The following GLB1 variants were observed in gnomAD, a reference collection of about 807,000 sequenced individuals.
GLB1 encodes beta-galactosidase.
GLB1 carries 56 observed loss-of-function variants against 74.0 expected under a neutral mutation model. The ratio of observed to expected loss-of-function variants is 0.76; its 90% CI spans 0.61 to 0.94. The LOEUF is 0.94. Among genes scored for constraint, GLB1 ranks in the 40% least tolerant of loss-of-function variants. The pLI is 0.00. For missense variants in GLB1, 787 were observed against 845.5 expected, an observed-to-expected ratio of 0.93 and a Z score of 0.86; for synonymous variants, 323 against 323.6, an observed-to-expected ratio of 1.00 and a Z score of 0.02.
chr3:33,017,005 G>A (rs36061528), intron 13 of GLB1, among the ~76,000 whole-genome samples, 165 bp from the exon 14 acceptor site: 1,543 of 152,292 alleles, frequency 0.01, 21 homozygotes, highest in Non-Finnish European at 0.016. Flanking sequence ...CGGCCAGGTC[G>A]GAAAGATCCC....
chr3:33,014,400 A>T, intron 14 of GLB1, 90 bp from the exon 15 acceptor site: 2 of 1,556,698 alleles, frequency 1.3e-6, no homozygotes, highest in Non-Finnish European at 1.7e-6. Context: ...GGAAAAGCAA[A>T]CCGGGATACA....
At chr3:33,071,019 T>A (rs1300892143) in intron 2 of GLB1, among the ~76,000 whole-genome samples, 1 of 152,168 alleles carries the variant, frequency 6.6e-6, no homozygotes, top group South Asian at 2.1e-4. Flanking sequence ...AAAGATTTTG[T>A]CAGGAATCAT....
intron 6 of GLB1, among the ~76,000 whole-genome samples, chr3:33,054,185 C>A (rs1699122022): frequency 6.6e-6 from 1 of 152,128 alleles, no homozygotes; most frequent in Non-Finnish European, 1.5e-5. Context: ...TGGACTTCAC[C>A]ACCTCTAGAA....
rs1468500027 is a variant in GLB1, at chr3:32,996,824, A to G, written c.*221T>C. On this transcript the variant is annotated 3_prime_UTR_variant, in exon 16 of 16. Coordinates refer to ENST00000307363, the MANE Select transcript of GLB1 (RefSeq NM_000404.4). ...TAAAGCTTCCATTCCAGCCCTGCAG[A>G]TATGTATGCACGTTACTGTGCTGTC... The G allele has an allele frequency of 3.0e-6, 2 of 676,678 alleles. No individual in the cohort carries two copies. Among genetic ancestry groups the G allele is most frequent in the Non-Finnish European group, 4.9e-6 (2 of 411,478 alleles). 41.9% of individuals were successfully genotyped at this position (676,678 alleles called of 1,614,324 possible).
At chr3:32,986,458 T>C in the GLB1 span, among the ~76,000 whole-genome samples, 2 of 152,236 alleles carry the variant, frequency 1.3e-5, no homozygotes, top group East Asian at 1.9e-4. Flanking sequence ...TACACAATCA[T>C]ACAAGACCCT....
intron 1 of GLB1, chr3:33,094,357 C>A: frequency 1.4e-6 from 2 of 1,386,318 alleles, no homozygotes; most frequent in East Asian, 2.6e-5. Flanking sequence ...TCCTTGTACC[C>A]ATTCAAAACT....
chr3:33,093,632 CG>C lies in GLB1; in HGVS notation c.75+3378del. The stretch of plus-strand genomic sequence containing the variant: ...TGGGCACCTCCACAGTTTTCACAGC[CG>C]GGGGCTGCGCGGCATTCAGAATCCC... On this transcript the variant is annotated intron_variant, in intron 1 of 15. Coordinates refer to ENST00000307363, the MANE Select transcript of GLB1 (RefSeq NM_000404.4). The surrounding 1 kb of genome is among the most constrained non-coding windows in gnomAD (Gnocchi z 6.0). 1 of 1,614,124 alleles carries C rather than the reference CG, an allele frequency of 6.2e-7. No homozygotes were observed.
At chr3:33,082,539 G>A (rs1334129832) in intron 1 of GLB1, among the ~76,000 whole-genome samples, 5 of 152,178 alleles carry the variant, frequency 3.3e-5, no homozygotes, top group African/African-American at 4.8e-5. Context: ...ACAGATCACA[G>A]TACATGATGG....
Position 33,062,805 on chromosome 3 carries a change from A to G in GLB1, c.552+2658T>C, listed in dbSNP as rs577404071. Among the ~76,000 whole-genome samples the G allele has an allele frequency of 5.9e-5, 9 of 152,288 alleles. No individual in the cohort carries two copies. In the East Asian group the frequency reaches 1.7e-3, roughly 29 times the overall value. On this transcript the variant is annotated intron_variant, in intron 5 of 15. Transcript: ENST00000307363. ...TGTCTCAAAAAACAAAAACAATAAC[A>G]ACAACGAAAAGAATTACTGTCTACA...
In GLB1 at chr3:33,092,691, C is replaced by T. The variant is rs72856190; in HGVS notation, c.75+4320G>A. Reference sequence around the variant, plus strand: ...TGCCAGGCAGGCCCACCATAAGTCACTGTTTGAGTCAGGCTTGTGACCAAG... The same window carrying T: ...TGCCAGGCAGGCCCACCATAAGTCATTGTTTGAGTCAGGCTTGTGACCAAG... On this transcript the variant is annotated intron_variant, in intron 1 of 15. Transcript: ENST00000307363. The T allele has an allele frequency of 8.3e-3, 11,863 of 1,433,452 alleles. 398 individuals are homozygous for T. In the African/African-American group the frequency reaches 0.087, roughly 11 times the overall value. The allele number at this position is 1,433,452 out of a possible 1,614,324, so 88.8% of individuals were successfully genotyped here. A position where few individuals can be genotyped will look rare whatever the true frequency, so the allele number is the denominator to read the frequency against.
intron 10 of GLB1, among the ~76,000 whole-genome samples, chr3:33,031,663 AT>A (rs1234537251): frequency 7.6e-6 from 1 of 131,014 alleles, no homozygotes; most frequent in Admixed American, 7.9e-5. Context: ...ATATATATAT[AT>A]ATATATATAT....
intron 10 of GLB1, among the ~76,000 whole-genome samples, chr3:33,041,775 T>C (rs1445079391): frequency 6.6e-6 from 1 of 151,584 alleles, no homozygotes; most frequent in Non-Finnish European, 1.5e-5. Context: ...AATGAAATTC[T>C]AAAGAATATA....
intron 6 of GLB1, among the ~76,000 whole-genome samples, chr3:33,056,729 T>G (rs1203501701): frequency 6.6e-6 from 1 of 152,212 alleles, no homozygotes; most frequent in Non-Finnish European, 1.5e-5. Context: ...TATACATTTT[T>G]CTGAGCCACC....
chr3:33,085,109 A>T (rs996955810), intron 1 of GLB1, among the ~76,000 whole-genome samples: 3 of 151,960 alleles, frequency 2.0e-5, no homozygotes, highest in Non-Finnish European at 4.4e-5. Flanking sequence ...CCATCCCTAT[A>T]AAAAATAAAC....
the GLB1 span, among the ~76,000 whole-genome samples, chr3:32,963,983 T>G: frequency 1.3e-5 from 2 of 152,212 alleles, no homozygotes; most frequent in Admixed American, 6.5e-5. Context: ...GATGTCATCC[T>G]GATGTAACAC....
chr3:33,090,193 T>C (rs1700687880), intron 1 of GLB1, among the ~76,000 whole-genome samples: 1 of 152,206 alleles, frequency 6.6e-6, no homozygotes, highest in Non-Finnish European at 1.5e-5. Flanking sequence ...AGCTATGCTT[T>C]TTGAAAAAGG....
Position 33,072,687 on chromosome 3 carries a change from A to C in GLB1, c.102T>G (p.Ile34Met), listed in dbSNP as rs1699929031. ...TGAGGAAGGAGTCCCGGCTATAGTC[A>C]ATTTCAAACATCCTCTGGGTGGCAT... ...LRNATQRMFEIDYSRDSFLKD... is the reference protein window; with the variant it reads ...LRNATQRMFEMDYSRDSFLKD... The change falls in exon 2 of 16, where the codon ATT (isoleucine) becomes ATG (methionine). Residue 34 changes from isoleucine to methionine, a missense_variant. Ile to Met is a conservative substitution (Grantham distance 10). Transcript: ENST00000307363. The C allele has an allele frequency of 6.2e-7, 1 of 1,614,118 alleles. No homozygotes were observed. Among genetic ancestry groups the C allele is most frequent in the Non-Finnish European group, 8.5e-7 (1 of 1,180,028 alleles).
intron 12 of GLB1, chr3:33,021,314 A>T: frequency 1.8e-6 from 1 of 545,292 alleles, no homozygotes; most frequent in East Asian, 3.2e-5. Flanking sequence ...CTTGTACAGA[A>T]TTATGTTGAA....
intron 1 of GLB1, among the ~76,000 whole-genome samples, chr3:33,080,820 C>A (rs1700296227): frequency 6.6e-6 from 1 of 152,144 alleles, no homozygotes; most frequent in African/African-American, 2.4e-5. Flanking sequence ...CTAGAGGGAC[C>A]CAAAGTACGA....
Sources: allele counts gnomAD v4.1 joint callset (sites outside exome capture counted in the v4.1 genomes callset), GRCh38; gene constraint gnomAD v4.1.1; non-coding constraint Gnocchi (gnomAD v3.1); transcripts MANE v1.5; gene names NCBI Gene and HGNC (gene_info 2026-07-23, HGNC 2026-07-21).